Variants in ADAMTS4 observed in about 807,000 individuals in gnomAD.
ADAMTS4 encodes A disintegrin and metalloproteinase with thrombospondin motifs 4.
A neutral mutation model predicts 66.7 loss-of-function variants in ADAMTS4; 38 were observed. The ratio of observed to expected loss-of-function variants is 0.57; its 90% CI spans 0.44 to 0.75. The LOEUF (loss-of-function observed/expected upper bound fraction) is 0.75. Among genes scored for constraint, ADAMTS4 ranks in the 30% least tolerant of loss-of-function variants. ADAMTS4 has a pLI of 0.00. For missense variants in ADAMTS4, 1,014 were observed against 1,116.7 expected, an observed-to-expected ratio of 0.91 and a Z score of 1.31; for synonymous variants, 418 against 461.5, an observed-to-expected ratio of 0.91 and a Z score of 1.21.
At position 161,193,675 on chromosome 1, in the gene ADAMTS4, C is replaced by T. The variant is rs139714128; in HGVS notation, c.1700G>A (p.Arg567His). The change falls in exon 6 of 9, where the codon CGC becomes CAC. Residue 567 changes from arginine to histidine, a missense_variant. Physicochemically the swap from Arg to His is conservative, Grantham distance 29. Coordinates refer to ENST00000367996, the MANE Select transcript of ADAMTS4 (RefSeq NM_005099.6). The surrounding 1 kb of genome is among the most constrained non-coding windows in gnomAD (Gnocchi z 4.4). ...KYCEGRRTRF[R>H]SCNTEDCPTG... ...TGGGCAGTCCTCAGTGTTGCAGGAG[C>T]GGAAGCGGGTACGGCGGCCCTCACA... The T allele has an allele frequency of 6.1e-5, 98 of 1,613,222 alleles. 1 individual carries two copies. Among genetic ancestry groups the T allele is most frequent in the South Asian group, 8.8e-5 (8 of 90,984 alleles).
At position 161,187,447 on chromosome 1, in the gene ADAMTS4, C is replaced by G. The variant is rs1464990777; in HGVS notation, c.*3691G>C. 1 of 152,126 alleles carries G rather than the reference C, an allele frequency of 6.6e-6. No homozygotes were observed. Among genetic ancestry groups the G allele is most frequent in the Non-Finnish European group, 1.5e-5 (1 of 68,074 alleles). 9.4% of individuals were successfully genotyped at this position (152,126 alleles called of 1,614,324 possible). ...TTAGTAGGAGGACCACAGGAAGGGC[C>G]AGGGGGCCAAGCCTAGCAGGGAGAA... On this transcript the variant is annotated 3_prime_UTR_variant, in exon 9 of 9. Coordinates refer to ENST00000367996, the MANE Select transcript of ADAMTS4 (RefSeq NM_005099.6).
intron 4 of ADAMTS4, among the ~76,000 whole-genome samples, chr1:161,195,115 C>T (rs1664778698): frequency 6.6e-6 from 1 of 152,228 alleles, no homozygotes; most frequent in Admixed American, 6.5e-5. Flanking sequence ...TGCTTCTCAT[C>T]AACATCTCTG....
Position 161,193,501 on chromosome 1 carries a change from G to A in ADAMTS4, c.1736-113C>T. 6.6e-7 allele frequency: 1 copy of A among 1,516,954 alleles called. No individual in the cohort carries two copies. The highest frequency in any genetic ancestry group is 8.9e-7 in the Non-Finnish European group (1 of 1,123,648). 94.0% of individuals were successfully genotyped at this position (1,516,954 alleles called of 1,614,324 possible). On this transcript the variant is annotated intron_variant, in intron 6 of 8. Transcript: ENST00000367996. This position sits in a 1 kb window ranked among gnomAD's most constrained non-coding sequence, Gnocchi z 4.4. The stretch of plus-strand genomic sequence containing the variant: ...ACAGCTCTGCTCTTCCCTGCAGACG[G>A]CCAAGGACAATTCCCAGAGGTTAAA...
rs1294965200 is a variant in ADAMTS4 at position 161,186,725 on chromosome 1, A to G, written c.*4413T>C. On this transcript the variant is annotated 3_prime_UTR_variant, in exon 9 of 9. Coordinates refer to ENST00000367996, the MANE Select transcript of ADAMTS4 (RefSeq NM_005099.6). ...ACTGTCTCAAAAGAAAAGGCCAGGCATGGTGGTTCACACTGGTCATCCCAA... is the reference window on the plus strand; with the variant it reads ...ACTGTCTCAAAAGAAAAGGCCAGGCGTGGTGGTTCACACTGGTCATCCCAA... 6.6e-6 allele frequency: 1 copy of G among 152,262 alleles called. No individual in the cohort carries two copies. The highest frequency in any genetic ancestry group is 1.5e-5 in the Non-Finnish European group (1 of 68,100). 9.4% of individuals were successfully genotyped at this position (152,262 alleles called of 1,614,324 possible). A position where few individuals can be genotyped will look rare whatever the true frequency, so the allele number is the denominator to read the frequency against.
chr1:161,196,899 A>G lies in ADAMTS4; in HGVS notation c.634-19T>C, dbSNP rs1253715457. The stretch of plus-strand genomic sequence containing the variant: ...CAAAGCGCTGTAGAGAAAAAGGGAG[A>G]GGAAGATCCTGAAATAGCCTCTCAG... On this transcript the variant is annotated intron_variant, in intron 1 of 8. Coordinates refer to ENST00000367996, the MANE Select transcript of ADAMTS4 (RefSeq NM_005099.6). 6.4e-7 allele frequency: 1 copy of G among 1,567,360 alleles called. No individual in the cohort carries two copies. Among genetic ancestry groups the G allele is most frequent in the Non-Finnish European group, 8.6e-7 (1 of 1,160,254 alleles).
In ADAMTS4 at chr1:161,193,710, A is replaced by C. The variant is rs1465750187; in HGVS notation, c.1665T>G (p.Gly555=). ...TACGGCGGCCCTCACAGTACTTGCC[A>C]CCATTCCGGGGGACAGGCCTCGTGC... ...RDCTRPVPRN[G]GKYCEGRRTR... is the part of the protein sequence containing the mutation. Residue 555 remains glycine, a synonymous_variant, in exon 6 of 9, where the codon GGT becomes GGG. Coordinates refer to ENST00000367996, the MANE Select transcript of ADAMTS4 (RefSeq NM_005099.6). This position sits in a 1 kb window ranked among gnomAD's most constrained non-coding sequence, Gnocchi z 4.4. The C allele has an allele frequency of 6.8e-6, 11 of 1,613,882 alleles. No homozygotes were observed. Among genetic ancestry groups the C allele is most frequent in the South Asian group, 6.6e-5 (6 of 91,054 alleles).
rs1462360396 is a variant in ADAMTS4, at chr1:161,188,896, A to ATATATATATATATATATATATATAT, written c.*2241_*2242insATATATATATATATATATATATATA. The ATATATATATATATATATATATATAT allele has an allele frequency of 1.6e-5, 2 of 128,632 alleles. No individual in the cohort carries two copies. The highest frequency in any genetic ancestry group is 5.7e-5 in the African/African-American group (2 of 34,846). The allele number at this position is 128,632 out of a possible 1,614,324, so 8.0% of individuals were successfully genotyped here. Reference sequence around the variant, plus strand: ...CCATGCCCGGCTAATATATATATATATATATATATATATTTTGTATTTTTA... The same window carrying ATATATATATATATATATATATATAT: ...CCATGCCCGGCTAATATATATATATATATATATATATATATATATATATATTATATATATATATTTTGTATTTTTA... On this transcript the variant is annotated 3_prime_UTR_variant, in exon 9 of 9. Transcript: ENST00000367996.
At position 161,188,074 on chromosome 1, in the gene ADAMTS4, T is replaced by G. The variant is rs1041267512; in HGVS notation, c.*3064A>C. 1 of 149,910 alleles carries G rather than the reference T, an allele frequency of 6.7e-6. No individual in the cohort carries two copies. The highest frequency in any genetic ancestry group is 1.5e-5 in the Non-Finnish European group (1 of 67,706). The allele number at this position is 149,910 out of a possible 1,614,324, so 9.3% of individuals were successfully genotyped here. A position where few individuals can be genotyped will look rare whatever the true frequency, so the allele number is the denominator to read the frequency against. On this transcript the variant is annotated 3_prime_UTR_variant, in exon 9 of 9. Coordinates refer to ENST00000367996, the MANE Select transcript of ADAMTS4 (RefSeq NM_005099.6). ...AAGCGATCCTCCTGCCTCAGCCTCA[T>G]GAGTAGCTGGGACTATAGGCGCTTG...
rs1230848540 is a variant in ADAMTS4, at chr1:161,196,682, C to G, written c.832G>C (p.Gly278Arg). 6.2e-7 allele frequency: 1 copy of G among 1,613,936 alleles called. No individual in the cohort carries two copies. The highest frequency in any genetic ancestry group is 1.3e-5 in the African/African-American group (1 of 74,924). Residue 278 changes from glycine to arginine, a missense_variant, in exon 2 of 9, where the codon GGG becomes CGG. Gly to Arg is a moderately radical substitution (Grantham distance 125). Transcript: ENST00000367996. The part of the protein sequence containing the change: ...RLVILGSGEE[G>R]PQVGPSAAQT... ...GCAGCACTGGGCCCCACTTGGGGCC[C>G]CTCCTCGCCTGACCCCAGGATCACT...
Position 161,192,055 on chromosome 1 carries a change from G to C in ADAMTS4, c.2087+10C>G, listed in dbSNP as rs759219047. The C allele has an allele frequency of 1.2e-6, 2 of 1,613,152 alleles. No individual in the cohort carries two copies. Among genetic ancestry groups the C allele is most frequent in the South Asian group, 2.2e-5 (2 of 91,062 alleles). ...CAGGAAGGTAGAGGGAGGAATGATG[G>C]TGAAAGAACCTGAATTTCCTGAAGG... On this transcript the variant is annotated intron_variant, in intron 8 of 8. Transcript: ENST00000367996.
Position 161,193,095 on chromosome 1 carries a change from G to T in ADAMTS4, c.1911+118C>A. Reference sequence around the variant, plus strand: ...ATAAGTCTGAGTGGAATCCTGGACTGGGCTGGCGTGGCTGTAGGAACAGGG... The same window carrying T: ...ATAAGTCTGAGTGGAATCCTGGACTTGGCTGGCGTGGCTGTAGGAACAGGG... On this transcript the variant is annotated intron_variant, in intron 7 of 8. Transcript: ENST00000367996. This position sits in a 1 kb window ranked among gnomAD's most constrained non-coding sequence, Gnocchi z 4.4. 8.6e-7 allele frequency: 1 copy of T among 1,166,856 alleles called. No homozygotes were observed. Among genetic ancestry groups the T allele is most frequent in the Non-Finnish European group, 1.2e-6 (1 of 844,474 alleles). 72.3% of individuals were successfully genotyped at this position (1,166,856 alleles called of 1,614,324 possible). A position where few individuals can be genotyped will look rare whatever the true frequency, so the allele number is the denominator to read the frequency against.
rs912264030 is a variant in ADAMTS4, at chr1:161,184,831, C to T, written c.*6307G>A. 1.3e-5 allele frequency: 2 copies of T among 151,912 alleles called. No homozygotes were observed. Among genetic ancestry groups the T allele is most frequent in the Non-Finnish European group, 2.9e-5 (2 of 67,974 alleles). 9.4% of individuals were successfully genotyped at this position (151,912 alleles called of 1,614,324 possible). ...CCCGGGAGTTCAAGACCAGCCTGGGCAACATGGAAAACCCCGTCTCTATAC... is the reference window on the plus strand; with the variant it reads ...CCCGGGAGTTCAAGACCAGCCTGGGTAACATGGAAAACCCCGTCTCTATAC... On this transcript the variant is annotated 3_prime_UTR_variant, in exon 9 of 9. Transcript: ENST00000367996.
rs1352735625 is a variant in ADAMTS4, at chr1:161,187,876, T to G, written c.*3262A>C. 6.6e-6 allele frequency: 1 copy of G among 151,912 alleles called. No homozygotes were observed. The highest frequency in any genetic ancestry group is 1.5e-5 in the Non-Finnish European group (1 of 68,102). The allele number at this position is 151,912 out of a possible 1,614,324, so 9.4% of individuals were successfully genotyped here. ...TCTGCCTCTCAAAACTCCAAATTCT[T>G]GCAGGGTCTACCTACCACCCTTGCC... On this transcript the variant is annotated 3_prime_UTR_variant, in exon 9 of 9. Coordinates refer to ENST00000367996, the MANE Select transcript of ADAMTS4 (RefSeq NM_005099.6).
Position 161,186,629 on chromosome 1 carries a change from G to A in ADAMTS4, c.*4509C>T, listed in dbSNP as rs1368749209. 1 of 152,088 alleles carries A rather than the reference G, an allele frequency of 6.6e-6. No homozygotes were observed. The highest frequency in any genetic ancestry group is 1.5e-5 in the Non-Finnish European group (1 of 68,020). 9.4% of individuals were successfully genotyped at this position (152,088 alleles called of 1,614,324 possible). A position where few individuals can be genotyped will look rare whatever the true frequency, so the allele number is the denominator to read the frequency against. ...GGAGGCTGAGGTGGGAGGATTACTC[G>A]AGCCCAGGAGTTCAAGGCTGTAGTA... is the stretch of plus-strand genomic sequence containing the variant. On this transcript the variant is annotated 3_prime_UTR_variant, in exon 9 of 9. Coordinates refer to ENST00000367996, the MANE Select transcript of ADAMTS4 (RefSeq NM_005099.6).
rs1664628347 is a variant in ADAMTS4 at position 161,190,147 on chromosome 1, G to T, written c.*991C>A. ...GCGAGTGGATCACCTAAGGTCAGGA[G>T]TTCGAGACCAGCCTGGCCAACATGG... is the stretch of plus-strand genomic sequence containing the variant. On this transcript the variant is annotated 3_prime_UTR_variant, in exon 9 of 9. Transcript: ENST00000367996. The T allele has an allele frequency of 6.6e-6, 1 of 151,892 alleles. No individual in the cohort carries two copies. The highest frequency in any genetic ancestry group is 2.4e-5 in the African/African-American group (1 of 41,312). The allele number at this position is 151,892 out of a possible 1,614,324, so 9.4% of individuals were successfully genotyped here. A position where few individuals can be genotyped will look rare whatever the true frequency, so the allele number is the denominator to read the frequency against.
At position 161,193,804 on chromosome 1, in the gene ADAMTS4, C is replaced by A. The variant is rs1485965919; in HGVS notation, c.1571G>T (p.Gly524Val). The change falls in exon 6 of 9, where the codon GGT (glycine) becomes GTT (valine). Residue 524 changes from glycine to valine, a missense_variant. Physicochemically the swap from Gly to Val is moderately radical, Grantham distance 109. Coordinates refer to ENST00000367996, the MANE Select transcript of ADAMTS4 (RefSeq NM_005099.6). This position sits in a 1 kb window ranked among gnomAD's most constrained non-coding sequence, Gnocchi z 4.4. ...GCAGTCACCCCATGGTCCCCAAGGA[C>A]CCCAGCCACCAGCCTGTGGAATCTG... is the stretch of plus-strand genomic sequence containing the variant. ...DFNIPQAGGW[G>V]PWGPWGDCSR... is the part of the protein sequence containing the mutation. 10 of 1,608,906 alleles carry A rather than the reference C, an allele frequency of 6.2e-6. No individual in the cohort carries two copies. Among genetic ancestry groups the A allele is most frequent in the Non-Finnish European group, 8.5e-7 (1 of 1,177,250 alleles).
rs4575098 is a variant in ADAMTS4 at position 161,185,602 on chromosome 1, G to A, written c.*5536C>T. 28,633 of 152,086 alleles carry A rather than the reference G, an allele frequency of 0.19. 3,278 individuals carry two copies. Among genetic ancestry groups the A allele is most frequent in the East Asian group, 0.33 (1,723 of 5,168 alleles). The allele number at this position is 152,086 out of a possible 1,614,324, so 9.4% of individuals were successfully genotyped here. A position where few individuals can be genotyped will look rare whatever the true frequency, so the allele number is the denominator to read the frequency against. On this transcript the variant is annotated 3_prime_UTR_variant, in exon 9 of 9. Coordinates refer to ENST00000367996, the MANE Select transcript of ADAMTS4 (RefSeq NM_005099.6). ...GAAACATCCTCTCAGCCAATAAAAT[G>A]TTAATACATTGAAATCCACTTTCTT...
Position 161,189,279 on chromosome 1 carries a change from T to C in ADAMTS4, c.*1859A>G, listed in dbSNP as rs1664606936. 1 of 152,088 alleles carries C rather than the reference T, an allele frequency of 6.6e-6. No individual in the cohort carries two copies. 9.4% of individuals were successfully genotyped at this position (152,088 alleles called of 1,614,324 possible). A position where few individuals can be genotyped will look rare whatever the true frequency, so the allele number is the denominator to read the frequency against. ...TGAGCAATCTAAGGCTCAGCATCAG[T>C]GACTTACCCAACACCACCCAGCTAA... On this transcript the variant is annotated 3_prime_UTR_variant, in exon 9 of 9. Transcript: ENST00000367996.
At position 161,196,586 on chromosome 1, in the gene ADAMTS4, A is replaced by G; in HGVS notation, c.928T>C (p.Phe310Leu). The change falls in exon 2 of 9, where the codon TTT (phenylalanine) becomes CTT (leucine). Residue 310 changes from phenylalanine to leucine, a missense_variant. Coordinates refer to ENST00000367996, the MANE Select transcript of ADAMTS4 (RefSeq NM_005099.6). ...CGGGTAAACAGAATGGCTGTGTCAA[A>G]GTGGTCAGGGTCCGAGTCCTCAGGG... ...NTPEDSDPDH[F>L]DTAILFTRQD... The G allele has an allele frequency of 6.2e-7, 1 of 1,614,196 alleles. No homozygotes were observed. The highest frequency in any genetic ancestry group is 8.5e-7 in the Non-Finnish European group (1 of 1,180,026).
Sources: gnomAD v4.1 joint callset for allele counts (sites outside exome capture counted in the v4.1 genomes callset) on GRCh38, gnomAD v4.1.1 for gene constraint, Gnocchi (gnomAD v3.1) non-coding constraint, MANE v1.5 for transcripts, NCBI Gene and HGNC (gene_info 2026-07-23, HGNC 2026-07-21) for gene names.